ADAMTS19: variants seen among roughly 807,000 people sequenced by gnomAD.
ADAMTS19 encodes the protein A disintegrin and metalloproteinase with thrombospondin motifs 19.
Under a neutral mutation model 153.3 loss-of-function variants are expected in ADAMTS19, and 93 were observed. The ratio of observed to expected loss-of-function variants is 0.61; its 90% CI spans 0.51 to 0.72. The LOEUF (loss-of-function observed/expected upper bound fraction) is 0.72, where lower values mean the gene tolerates loss of function less well. ADAMTS19 is among the 30% of genes least tolerant of loss of function. The pLI is 0.00. For synonymous variants in ADAMTS19, 600 were observed against 556.6 expected, an observed-to-expected ratio of 1.08 and a Z score of -1.10; for missense variants, 1,482 against 1,552.1, an observed-to-expected ratio of 0.95 and a Z score of 0.76.
Position 129,707,038 on chromosome 5 carries a change from T to C in ADAMTS19, c.3312+2647T>C, listed in dbSNP as rs569257066. ...AAAAGAATAGCTTCAACAAATACAG[T>C]TGACCCCTTAACAAAACAGATTTGA... On this transcript the variant is annotated intron_variant, in intron 21 of 22. Transcript: ENST00000274487. Among the ~76,000 whole-genome samples the C allele has an allele frequency of 3.9e-5, 6 of 152,308 alleles. No individual in the cohort carries two copies. In the South Asian group the frequency reaches 1.2e-3, roughly 32 times the overall value.
intron 14 of ADAMTS19, among the ~76,000 whole-genome samples, chr5:129,654,740 T>C (rs1266700033): frequency 1.3e-5 from 2 of 152,120 alleles, no homozygotes; most frequent in Non-Finnish European, 1.5e-5. Context: ...TATGTCAAAA[T>C]ATTTCAGACC....
chr5:129,687,483 C>T (rs1453535223), intron 18 of ADAMTS19, among the ~76,000 whole-genome samples: 1 of 152,160 alleles, frequency 6.6e-6, no homozygotes, highest in Admixed American at 6.5e-5. Context: ...CAACATTCTT[C>T]CCCAAATTAC....
intron 2 of ADAMTS19, among the ~76,000 whole-genome samples, chr5:129,475,066 A>C (rs954783290): frequency 6.7e-6 from 1 of 149,938 alleles, no homozygotes; most frequent in African/African-American, 2.4e-5. Context: ...GTATCTTTTA[A>C]GGCCAATTTT....
intron 21 of ADAMTS19, among the ~76,000 whole-genome samples, chr5:129,721,765 C>G (rs532142125): frequency 2.0e-5 from 3 of 152,168 alleles, no homozygotes; most frequent in East Asian, 3.9e-4. Context: ...TTCTCCACCC[C>G]CAACAGGCCC....
At chr5:129,542,557 A>G (rs1428694950) in intron 6 of ADAMTS19, among the ~76,000 whole-genome samples, 1 of 152,096 alleles carries the variant, frequency 6.6e-6, no homozygotes, top group African/African-American at 2.4e-5. Flanking sequence ...TGTATCTTGT[A>G]TATTGAAGGG....
rs138525494 is a variant in ADAMTS19 at position 129,483,061 on chromosome 5, T to C, written c.747+21304T>C. 2.9e-3 allele frequency among the ~76,000 whole-genome samples: 440 copies of C among 152,324 alleles called. 3 individuals are homozygous for C. The highest frequency in any genetic ancestry group is 9.9e-3 in the African/African-American group (412 of 41,596). On this transcript the variant is annotated intron_variant, in intron 2 of 22. Transcript: ENST00000274487. ...GTAAGAGATCTTTATACAGCTTGAA[T>C]ACTAATCTTTTATTAGCTGTATACA...
At chr5:129,498,798 ATTT>A (rs10637813) in intron 2 of ADAMTS19, among the ~76,000 whole-genome samples, 1 of 134,160 alleles carries the variant, frequency 7.5e-6, no homozygotes. Context: ...CATTCACTCT[ATTT>A]TTTTTTTTTT....
chr5:129,501,602 T>C (rs1458502283), intron 2 of ADAMTS19, among the ~76,000 whole-genome samples: 3 of 152,124 alleles, frequency 2.0e-5, no homozygotes, highest in African/African-American at 7.2e-5. Context: ...ACAAAGGCAG[T>C]ATGTGCTTGA....
intron 19 of ADAMTS19, 124 bp from the exon 20 acceptor site, chr5:129,701,264 G>T: frequency 9.5e-7 from 1 of 1,052,160 alleles, no homozygotes; most frequent in Non-Finnish European, 1.4e-6. Context: ...TGTGTCAATT[G>T]GACCTCTTTC....
chr5:129,489,865 T>C (rs2126687365), intron 2 of ADAMTS19, among the ~76,000 whole-genome samples: 1 of 152,300 alleles, frequency 6.6e-6, no homozygotes, highest in African/African-American at 2.4e-5. Context: ...CTTAGAACAG[T>C]ATCTGGCATC....
At chr5:129,527,576 A>C (rs920505117) in intron 4 of ADAMTS19, among the ~76,000 whole-genome samples, 172 bp from the exon 5 acceptor site, 3 of 149,268 alleles carry the variant, frequency 2.0e-5, no homozygotes, top group Non-Finnish European at 4.5e-5. Flanking sequence ...TTTTCTTTTA[A>C]ATTCAATGTA....
Position 129,518,179 on chromosome 5 carries a change from GT to G in ADAMTS19, c.914-8101del, listed in dbSNP as rs1751677036. On this transcript the variant is annotated intron_variant, in intron 3 of 22. Transcript: ENST00000274487. The stretch of plus-strand genomic sequence containing the variant: ...TCTTGAAAAGTTTTTATAGTTATTA[GT>G]TTTGATTGTGTCATTGTTTAGTCTT... Among the ~76,000 whole-genome samples, 6 of 152,036 alleles carry G rather than the reference GT, an allele frequency of 3.9e-5. No homozygotes were observed. In the South Asian group the frequency reaches 1.2e-3, roughly 32 times the overall value.
At chr5:129,704,541 T>C in intron 21 of ADAMTS19, 150 bp downstream of exon 21, 2 of 824,766 alleles carry the variant, frequency 2.4e-6, no homozygotes, top group Non-Finnish European at 3.6e-6. Flanking sequence ...TGGCTGTCCA[T>C]GATCATGATC....
Position 129,715,565 on chromosome 5 carries a change from T to A in ADAMTS19, c.3312+11174T>A, listed in dbSNP as rs113856481. 6.5e-3 allele frequency among the ~76,000 whole-genome samples: 997 copies of A among 152,292 alleles called. 7 individuals carry two copies. The highest frequency in any genetic ancestry group is 0.022 in the African/African-American group (921 of 41,554). On this transcript the variant is annotated intron_variant, in intron 21 of 22. Transcript: ENST00000274487. Reference sequence around the variant, plus strand: ...AGAAATGGTTGAGTTTGAGAATTTTTTATGAGATTAAAATGAAAAGAACTT... The same window carrying A: ...AGAAATGGTTGAGTTTGAGAATTTTATATGAGATTAAAATGAAAAGAACTT...
chr5:129,484,260 T>C (rs2126676245), intron 2 of ADAMTS19, among the ~76,000 whole-genome samples: 1 of 152,278 alleles, frequency 6.6e-6, no homozygotes, highest in African/African-American at 2.4e-5. Context: ...ACACCCAGAT[T>C]TCATGAATGT....
In ADAMTS19 at chr5:129,684,152, T is replaced by C; in HGVS notation, c.2697T>C (p.Leu899=). 1 of 1,614,096 alleles carries C rather than the reference T, an allele frequency of 6.2e-7. No individual in the cohort carries two copies. Among genetic ancestry groups the C allele is most frequent in the Non-Finnish European group, 8.5e-7 (1 of 1,180,004 alleles). The change falls in exon 18 of 23, where the codon CTT becomes CTC. Residue 899 remains leucine (L), a synonymous_variant. Coordinates refer to ENST00000274487, the MANE Select transcript of ADAMTS19 (RefSeq NM_133638.6). ...TGTTTCAGGATCAGAATTATGGTCT[T>C]CACTATGAATACACTATCCCATCAG... is the stretch of plus-strand genomic sequence containing the variant. The part of the protein sequence containing the change: ...VLLFQDQNYG[L]HYEYTIPSDP...
Position 129,701,417 on chromosome 5 carries a change from C to T in ADAMTS19, c.2984C>T (p.Ser995Leu). The change falls in exon 20 of 23, where the codon TCA becomes TTA. Residue 995 changes from serine to leucine, a missense_variant. Around this residue, in one of 2 missense-constraint regions of ADAMTS19, gnomAD observed 616 missense variants for 724.4 expected, o/e 0.85. Coordinates refer to ENST00000274487, the MANE Select transcript of ADAMTS19 (RefSeq NM_133638.6). Reference protein sequence around the residue: ...RWMMTEWTPCSRTCGKGMQSR... With the variant: ...RWMMTEWTPCLRTCGKGMQSR... Reference sequence around the variant, plus strand: ...ATGATGACAGAATGGACCCCTTGTTCACGAACTTGTGGAAAAGGAATGCAG... The same window carrying T: ...ATGATGACAGAATGGACCCCTTGTTTACGAACTTGTGGAAAAGGAATGCAG... 6.2e-7 allele frequency: 1 copy of T among 1,614,192 alleles called. No homozygotes were observed. Among genetic ancestry groups the T allele is most frequent in the Non-Finnish European group, 8.5e-7 (1 of 1,180,036 alleles).
intron 7 of ADAMTS19, among the ~76,000 whole-genome samples, chr5:129,578,964 G>A (rs541258643): frequency 3.8e-4 from 58 of 152,158 alleles, no homozygotes; most frequent in Non-Finnish European, 4.0e-4. Context: ...CCCAGTAATG[G>A]GATTGCTGGG....
intron 3 of ADAMTS19, among the ~76,000 whole-genome samples, chr5:129,516,925 C>T (rs1751635747): frequency 7.5e-6 from 1 of 133,844 alleles, no homozygotes; most frequent in South Asian, 2.6e-4. Flanking sequence ...CACTTATAAA[C>T]TTCCCCCTGA....
Sources: gnomAD v4.1 joint callset for allele counts (sites outside exome capture counted in the v4.1 genomes callset) on GRCh38, gnomAD v4.1.1 for gene constraint, gnomAD v4.1.1 regional missense constraint, MANE v1.5 for transcripts, NCBI Gene and HGNC (gene_info 2026-07-23, HGNC 2026-07-21) for gene names.